Variants in SND1 observed in about 807,000 individuals in gnomAD.
SND1 encodes the protein staphylococcal nuclease and tudor domain containing 1.
In SND1, 38 loss-of-function variants were observed where a neutral mutation model predicts 121.7. That is an observed-to-expected ratio of 0.31 (90% CI 0.24 to 0.41). The LOEUF (loss-of-function observed/expected upper bound fraction) is 0.41. Among genes scored for constraint, SND1 ranks in the 10% least tolerant of loss-of-function variants. The pLI, the probability that SND1 is intolerant of heterozygous loss-of-function variation, is 1.00. For missense variants in SND1, 868 were observed against 1,184.6 expected, an observed-to-expected ratio of 0.73 and a Z score of 3.92; for synonymous variants, 401 against 447.4, an observed-to-expected ratio of 0.90 and a Z score of 1.31.
chr7:127,805,156 CT>C (rs2116571538), intron 10 of SND1, among the ~76,000 whole-genome samples: 1 of 152,296 alleles, frequency 6.6e-6, no homozygotes, highest in East Asian at 1.9e-4. Flanking sequence ...ACATCTGTCC[CT>C]TGTGTTAACC....
At chr7:127,883,578 A>G (rs73232947) in intron 12 of SND1, among the ~76,000 whole-genome samples, 3 of 152,132 alleles carry the variant, frequency 2.0e-5, no homozygotes, top group South Asian at 4.1e-4. Context: ...TTTATCTTGC[A>G]TTTTCTATGA....
chr7:127,817,925 T>G (rs954221437), intron 11 of SND1, among the ~76,000 whole-genome samples: 1 of 152,056 alleles, frequency 6.6e-6, no homozygotes, highest in African/African-American at 2.4e-5. Context: ...TCACAGTTCC[T>G]AAGACTGTGC....
intron 10 of SND1, among the ~76,000 whole-genome samples, chr7:127,790,440 A>G (rs1444320573): frequency 1.3e-5 from 2 of 152,164 alleles, no homozygotes; most frequent in East Asian, 3.8e-4. Flanking sequence ...ATATTGTTCG[A>G]CGCCCTGTGA....
chr7:128,038,271 T>A (rs929191425), intron 16 of SND1, among the ~76,000 whole-genome samples: 2 of 152,236 alleles, frequency 1.3e-5, no homozygotes, highest in Non-Finnish European at 2.9e-5. Flanking sequence ...TGTCTGTGTA[T>A]GTGGATGCTA....
chr7:127,952,508 GA>G (rs1436015752), intron 15 of SND1, among the ~76,000 whole-genome samples: 2 of 151,988 alleles, frequency 1.3e-5, no homozygotes, highest in African/African-American at 4.8e-5. Context: ...GCTGTAGGCT[GA>G]AAATTAGGAA....
At chr7:127,910,910 C>G (rs1296832634) in intron 14 of SND1, among the ~76,000 whole-genome samples, 1 of 152,162 alleles carries the variant, frequency 6.6e-6, no homozygotes, top group Non-Finnish European at 1.5e-5. Context: ...GCTGCTGGCT[C>G]CACTGCTGGG....
At chr7:128,074,153 G>A (rs922252738) in intron 16 of SND1, among the ~76,000 whole-genome samples, 5 of 152,186 alleles carry the variant, frequency 3.3e-5, no homozygotes, top group African/African-American at 1.2e-4. Context: ...CACAGAGCTG[G>A]GGAGGGTGCT....
chr7:127,850,267 T>C (rs1281149415), intron 12 of SND1, among the ~76,000 whole-genome samples: 2 of 152,150 alleles, frequency 1.3e-5, no homozygotes, highest in South Asian at 2.1e-4. Context: ...GCTTTGAGGT[T>C]TTTCACTGTC....
At chr7:127,667,178 T>C (rs1272613794) in intron 1 of SND1, among the ~76,000 whole-genome samples, 7 of 152,130 alleles carry the variant, frequency 4.6e-5, no homozygotes, top group Admixed American at 6.5e-5. Flanking sequence ...TAAATCTGAG[T>C]AAGTATATTA....
At chr7:127,833,952 A>G (rs1798815295) in intron 11 of SND1, among the ~76,000 whole-genome samples, 1 of 151,506 alleles carries the variant, frequency 6.6e-6, no homozygotes, top group Non-Finnish European at 1.5e-5. Context: ...ATCACACAGT[A>G]TTCTTTTTTG....
chr7:127,684,590 C>T (rs1005186625), intron 1 of SND1, among the ~76,000 whole-genome samples: 1 of 152,088 alleles, frequency 6.6e-6, no homozygotes, highest in Non-Finnish European at 1.5e-5. Flanking sequence ...CTGTTCTTTC[C>T]TGGCTTTGTT....
Position 127,887,954 on chromosome 7 carries a change from C to T in SND1, c.1396C>T (p.Arg466Trp), listed in dbSNP as rs756586129. 3.1e-6 allele frequency: 5 copies of T among 1,612,280 alleles called. No homozygotes were observed. The highest frequency in any genetic ancestry group is 1.1e-5 in the South Asian group (1 of 91,028). The change falls in exon 13 of 24, where the codon CGG (arginine) becomes TGG (tryptophan). Residue 466 changes from arginine (R) to tryptophan (W), a missense_variant. This residue lies in a region of SND1 where 743 missense variants were observed against 1,071.3 expected (regional missense o/e 0.69). Transcript: ENST00000354725. ...AGGTCTAGCCACAGTGATCAGATAC[C>T]GGCAGGATGATGACCAGAGATCATC... is the stretch of plus-strand genomic sequence containing the variant. The part of the protein sequence containing the change: ...SKGLATVIRY[R>W]QDDDQRSSHY...
chr7:127,683,068 G>A (rs954331856), intron 1 of SND1, among the ~76,000 whole-genome samples: 1 of 152,134 alleles, frequency 6.6e-6, no homozygotes, highest in East Asian at 1.9e-4. Flanking sequence ...ATTTGGTGGC[G>A]ACTGTTAGCT....
intron 2 of SND1, among the ~76,000 whole-genome samples, chr7:127,690,999 G>A (rs1053397583): frequency 1.3e-5 from 2 of 152,134 alleles, no homozygotes; most frequent in Admixed American, 6.5e-5. Flanking sequence ...ACTGTTCCAA[G>A]CTAATCCCCA....
intron 16 of SND1, chr7:128,028,584 G>T: frequency 2.6e-6 from 3 of 1,134,456 alleles, no homozygotes; most frequent in Non-Finnish European, 3.8e-6. Flanking sequence ...TAATATATAA[G>T]CATATACAAG....
chr7:127,973,052 G>A (rs1802035892), intron 15 of SND1, among the ~76,000 whole-genome samples: 1 of 152,238 alleles, frequency 6.6e-6, no homozygotes, highest in Non-Finnish European at 1.5e-5. Context: ...TGGTTGCCAT[G>A]TGTCTGAGAA....
intron 7 of SND1, among the ~76,000 whole-genome samples, chr7:127,703,853 G>T (rs895532051): frequency 1.3e-5 from 2 of 152,180 alleles, no homozygotes; most frequent in Non-Finnish European, 2.9e-5. Flanking sequence ...TTCATAAGAA[G>T]AGGAACTTGA....
At chr7:127,831,906 CA>C (rs1430711895) in intron 11 of SND1, among the ~76,000 whole-genome samples, 4 of 135,488 alleles carry the variant, frequency 3.0e-5, no homozygotes, top group Non-Finnish European at 6.7e-5. Flanking sequence ...CTTATAATTG[CA>C]CCTTTGAAGA....
Position 127,698,816 on chromosome 7 carries a change from C to G in SND1, c.350-59C>G, listed in dbSNP as rs981402927. ...GTGTGAAAGTGGTCCCATTTGGGCT[C>G]TGTTGCTGTTGGAGGCAGGTTTGAA... On this transcript the variant is annotated intron_variant, in intron 3 of 23. Coordinates refer to ENST00000354725, the MANE Select transcript of SND1 (RefSeq NM_014390.4). 3.5e-5 allele frequency: 48 copies of G among 1,389,236 alleles called. No homozygotes were observed. The Admixed American group carries it at 7.6e-4, about 22-fold the overall frequency. The allele number at this position is 1,389,236 out of a possible 1,614,324, so 86.1% of individuals were successfully genotyped here. A position where few individuals can be genotyped will look rare whatever the true frequency, so the allele number is the denominator to read the frequency against.
Sources: gnomAD v4.1 joint callset for allele counts (sites outside exome capture counted in the v4.1 genomes callset) on GRCh38, gnomAD v4.1.1 for gene constraint, gnomAD v4.1.1 regional missense constraint, MANE v1.5 for transcripts, NCBI Gene and HGNC (gene_info 2026-07-23, HGNC 2026-07-21) for gene names.